The following BMP5 variants were observed in gnomAD, a reference collection of about 807,000 sequenced individuals.
BMP5 encodes the protein bone morphogenetic protein 5.
In BMP5, 23 loss-of-function variants were observed where a neutral mutation model predicts 46.6. The ratio of observed to expected loss-of-function variants is 0.49; its 90% CI spans 0.35 to 0.70. BMP5 has a LOEUF of 0.70. Ranked by LOEUF, BMP5 falls within the 30% of genes least tolerant of loss-of-function variation. The probability of loss-of-function intolerance (pLI) is 0.00; values close to 1 mark genes in which losing one functional copy is unlikely to be tolerated. For synonymous variants in BMP5, 204 were observed against 191.9 expected, an observed-to-expected ratio of 1.06 and a Z score of -0.52; for missense variants, 545 against 565.6, an observed-to-expected ratio of 0.96 and a Z score of 0.37.
rs367609945 is a variant in BMP5 at position 55,792,261 on chromosome 6, C to T, written c.832+2018G>A. On this transcript the variant is annotated intron_variant, in intron 3 of 6. Transcript: ENST00000370830. ...TCAAGATTTGAGACCCTGCCGGGCG[C>T]GGTGGCTCACGCCTGTAATCCCAGC... 5.1e-4 allele frequency among the ~76,000 whole-genome samples: 78 copies of T among 152,234 alleles called. No individual in the cohort carries two copies. The South Asian group carries it at 0.016, about 30-fold the overall frequency.
At chr6:55,786,963 C>T (rs569539073) in intron 3 of BMP5, among the ~76,000 whole-genome samples, 2 of 151,738 alleles carry the variant, frequency 1.3e-5, no homozygotes, top group Non-Finnish European at 3.0e-5. Flanking sequence ...AAAAGATCCT[C>T]AGATAAGTGG....
rs780974519 is a variant in BMP5 at position 55,774,221 on chromosome 6, A to C, written c.855T>G (p.Ser285=). Residue 285 remains serine (S), a synonymous_variant, in exon 4 of 7, where the codon TCT becomes TCG. Transcript: ENST00000370830. ...GTCCCTGTCTTCCCACAAGACCAGC[A>C]GATTTTACGTTGATACTGCGTCCTA... is the stretch of plus-strand genomic sequence containing the variant. ...TGDGRSINVK[S]AGLVGRQGPQ... 1 of 1,613,074 alleles carries C rather than the reference A, an allele frequency of 6.2e-7. No homozygotes were observed. The highest frequency in any genetic ancestry group is 8.5e-7 in the Non-Finnish European group (1 of 1,179,334).
intron 1 of BMP5, among the ~76,000 whole-genome samples, chr6:55,858,304 C>T (rs373029765): frequency 7.2e-5 from 11 of 151,930 alleles, no homozygotes; most frequent in Middle Eastern, 3.2e-3. Context: ...AGAATGTTGA[C>T]GGTATGTTTT....
chr6:55,782,167 T>C (rs559377889), intron 3 of BMP5, among the ~76,000 whole-genome samples: 26 of 152,286 alleles, frequency 1.7e-4, no homozygotes, highest in Middle Eastern at 3.4e-3. Context: ...ACGTTTAAAA[T>C]GATGGATATG....
At chr6:55,775,883 G>A (rs1157268884) in intron 3 of BMP5, among the ~76,000 whole-genome samples, 3 of 151,290 alleles carry the variant, frequency 2.0e-5, no homozygotes, top group African/African-American at 4.9e-5. Context: ...TGAGAGGGAC[G>A]GACACAGGGG....
Position 55,868,732 on chromosome 6 carries a change from C to T in BMP5, c.490+5644G>A, listed in dbSNP as rs534910599. On this transcript the variant is annotated intron_variant, in intron 1 of 6. Transcript: ENST00000370830. ...TTGTTTTAAACATCTCTGAAAAAGT[C>T]AGGTGAATACTCCACCATTATTTTT... 6.1e-4 allele frequency among the ~76,000 whole-genome samples: 93 copies of T among 152,294 alleles called. 1 individual carries two copies. In the South Asian group the frequency reaches 0.019, roughly 31 times the overall value.
chr6:55,779,204 T>A (rs72868879), intron 3 of BMP5, among the ~76,000 whole-genome samples: 6,470 of 152,146 alleles, frequency 0.043, 191 homozygotes, highest in Non-Finnish European at 0.064. Flanking sequence ...AAACATTCAT[T>A]TGAGGATTTA....
At chr6:55,851,570 A>G (rs1446228646) in intron 1 of BMP5, among the ~76,000 whole-genome samples, 3 of 152,172 alleles carry the variant, frequency 2.0e-5, no homozygotes, top group Non-Finnish European at 4.4e-5. Context: ...TAGGCAGTAG[A>G]ACCACTGAAC....
chr6:55,781,168 A>T (rs1195032833), intron 3 of BMP5, among the ~76,000 whole-genome samples: 1 of 152,082 alleles, frequency 6.6e-6, no homozygotes, highest in East Asian at 1.9e-4. Context: ...CCCCAAAAAG[A>T]TTGGTTAGCA....
chr6:55,839,676 G>A (rs1044993868), intron 1 of BMP5, among the ~76,000 whole-genome samples: 1 of 152,180 alleles, frequency 6.6e-6, no homozygotes, highest in Non-Finnish European at 1.5e-5. Flanking sequence ...AGCACAATTG[G>A]TGTACCGTAG....
At chr6:55,807,537 GTC>G (rs1369836938) in intron 2 of BMP5, among the ~76,000 whole-genome samples, 1 of 152,182 alleles carries the variant, frequency 6.6e-6, no homozygotes, top group Non-Finnish European at 1.5e-5. Flanking sequence ...TCTTCGTTGT[GTC>G]TCTGGAAGGT....
chr6:55,798,472 C>T (rs1775769313), intron 2 of BMP5, among the ~76,000 whole-genome samples: 1 of 152,052 alleles, frequency 6.6e-6, no homozygotes, highest in South Asian at 2.1e-4. Flanking sequence ...TAATAGAAAT[C>T]ATAATGACTA....
intron 1 of BMP5, among the ~76,000 whole-genome samples, chr6:55,863,604 T>G (rs1221883301): frequency 1.3e-5 from 2 of 152,156 alleles, no homozygotes; most frequent in African/African-American, 2.4e-5. Context: ...GCTACAACCA[T>G]ACTAAGACCT....
chr6:55,846,640 C>T (rs1777104430), intron 1 of BMP5, among the ~76,000 whole-genome samples: 2 of 151,852 alleles, frequency 1.3e-5, no homozygotes, highest in Non-Finnish European at 2.9e-5. Flanking sequence ...TTTATCCAGA[C>T]ACTAATTTAT....
At chr6:55,805,263 C>T (rs61070917) in intron 2 of BMP5, among the ~76,000 whole-genome samples, 2,591 of 152,068 alleles carry the variant, frequency 0.017, 80 homozygotes, top group African/African-American at 0.059. Context: ...CTTTAGGTTC[C>T]GGGATACTAG....
chr6:55,774,114 C>T lies in BMP5; in HGVS notation c.962G>A (p.Arg321Gln), dbSNP rs866784947. 1 of 1,612,990 alleles carries T rather than the reference C, an allele frequency of 6.2e-7. No individual in the cohort carries two copies. Among genetic ancestry groups the T allele is most frequent in the Non-Finnish European group, 8.5e-7 (1 of 1,179,424 alleles). The change falls in exon 4 of 7, where the codon CGA (arginine) becomes CAA (glutamine). Residue 321 changes from arginine to glutamine, a missense_variant. By Grantham distance (43) the Arg-to-Gln change is conservative. Coordinates refer to ENST00000370830, the MANE Select transcript of BMP5 (RefSeq NM_021073.4). ...GGATTTATTGCGGTTTTGATTTTTT[C>T]GTTTGTTGGCTGCTCTCACGGATCG... ...LLRSVRAANK[R>Q]KNQNRNKSSS... is the part of the protein sequence containing the mutation.
chr6:55,869,198 C>T (rs939944108), intron 1 of BMP5, among the ~76,000 whole-genome samples: 6 of 152,092 alleles, frequency 3.9e-5, no homozygotes, highest in Admixed American at 1.3e-4. Flanking sequence ...TTCCCCACTT[C>T]GGTATTTTAG....
intron 1 of BMP5, among the ~76,000 whole-genome samples, chr6:55,838,474 AT>A (rs1289911552): frequency 6.6e-6 from 1 of 151,826 alleles, no homozygotes; most frequent in African/African-American, 2.4e-5. Context: ...TCCTTTGCCT[AT>A]TTTTTTATTA....
rs567009696 is a variant in BMP5, at chr6:55,792,483, G to A, written c.832+1796C>T. On this transcript the variant is annotated intron_variant, in intron 3 of 6. Coordinates refer to ENST00000370830, the MANE Select transcript of BMP5 (RefSeq NM_021073.4). ...GGGGAGGCAGAGCTTGCAGTGAGCC[G>A]AGATTGCGCCACTGCACTCCAGCCT... 9.5e-5 allele frequency among the ~76,000 whole-genome samples: 14 copies of A among 147,384 alleles called. 1 individual carries two copies. The highest frequency in any genetic ancestry group is 4.8e-4 in the Admixed American group (7 of 14,580).
Sources: gnomAD v4.1 joint callset for allele counts (sites outside exome capture counted in the v4.1 genomes callset) on GRCh38, gnomAD v4.1.1 for gene constraint, MANE v1.5 for transcripts, NCBI Gene and HGNC (gene_info 2026-07-23, HGNC 2026-07-21) for gene names.